The following SEMA3A variants were observed in gnomAD, a reference collection of about 807,000 sequenced individuals.
SEMA3A encodes semaphorin 3A, also known as semaphorin-3A.
Under a neutral mutation model 97.9 loss-of-function variants are expected in SEMA3A, and 29 were observed. The ratio of observed to expected loss-of-function variants is 0.30; its 90% CI spans 0.22 to 0.40. The LOEUF is 0.40. Among genes scored for constraint, SEMA3A ranks in the 10% least tolerant of loss-of-function variants. SEMA3A has a pLI of 1.00. For missense variants in SEMA3A, 763 were observed against 951.3 expected (o/e 0.80, Z 2.60); for synonymous variants, 321 against 323.7 (o/e 0.99, Z 0.09).
chr7:83,976,933 A>C, intron 15 of SEMA3A, among the ~76,000 whole-genome samples, 199 bp downstream of exon 15: 1 of 152,292 alleles, frequency 6.6e-6, no homozygotes, highest in Middle Eastern at 3.4e-3. Context: ...CATCATAATA[A>C]AACATAATTT....
At chr7:84,406,716 C>A in intron 1 of SEMA3A, among the ~76,000 whole-genome samples, 1 of 152,094 alleles carries the variant, frequency 6.6e-6, no homozygotes, top group African/African-American at 2.4e-5. Context: ...ATCAAGTGGG[C>A]TTCATCCCTG....
At chr7:84,270,188 T>A (rs2115699090) in intron 3 of SEMA3A, among the ~76,000 whole-genome samples, 1 of 152,214 alleles carries the variant, frequency 6.6e-6, no homozygotes, top group Non-Finnish European at 1.5e-5. Flanking sequence ...TTTGCTTTAT[T>A]TCTCAGCCTG....
intron 1 of SEMA3A, among the ~76,000 whole-genome samples, chr7:84,406,909 TA>T (rs1239412316): frequency 1.3e-5 from 2 of 152,128 alleles, no homozygotes; most frequent in Non-Finnish European, 2.9e-5. Flanking sequence ...CTCAAAATAA[TA>T]AGAGTTATCT....
chr7:84,319,950 C>A (rs1801606744), intron 2 of SEMA3A, among the ~76,000 whole-genome samples: 1 of 152,086 alleles, frequency 6.6e-6, no homozygotes, highest in Non-Finnish European at 1.5e-5. Flanking sequence ...AGAAGTGGTT[C>A]AGAGAATTAA....
intron 3 of SEMA3A, among the ~76,000 whole-genome samples, chr7:84,301,574 G>A (rs1187016056): frequency 6.6e-6 from 1 of 152,106 alleles, no homozygotes; most frequent in African/African-American, 2.4e-5. Context: ...ATGCCATGAA[G>A]TTTTGCTAGG....
At chr7:84,232,343 G>A (rs1799135114) in intron 3 of SEMA3A, among the ~76,000 whole-genome samples, 1 of 149,886 alleles carries the variant, frequency 6.7e-6, no homozygotes, top group African/African-American at 2.4e-5. Context: ...AAGGAAAAAT[G>A]TCCAGTTTTC....
intron 4 of SEMA3A, among the ~76,000 whole-genome samples, chr7:84,062,450 C>A (rs555613877): frequency 5.3e-5 from 8 of 152,202 alleles, no homozygotes; most frequent in Non-Finnish European, 7.3e-5. Flanking sequence ...CTCCGGTCTA[C>A]GGCTCCCAGA....
intron 3 of SEMA3A, among the ~76,000 whole-genome samples, chr7:84,298,475 A>C (rs1800921092): frequency 6.6e-6 from 1 of 152,162 alleles, no homozygotes; most frequent in African/African-American, 2.4e-5. Context: ...GGATTCACAT[A>C]AAATTTATTA....
intron 2 of SEMA3A, among the ~76,000 whole-genome samples, chr7:84,314,340 G>A (rs868245653): frequency 2.6e-5 from 4 of 151,976 alleles, no homozygotes; most frequent in South Asian, 2.1e-4. Flanking sequence ...ACAGACATCC[G>A]TGCAATAGGA....
At chr7:84,054,288 G>C (rs1792839052) in intron 5 of SEMA3A, among the ~76,000 whole-genome samples, 2 of 152,260 alleles carry the variant, frequency 1.3e-5, no homozygotes, top group East Asian at 3.8e-4. Flanking sequence ...AGTTCTCCTG[G>C]ATAATATCCT....
At chr7:84,388,680 C>T (rs1803463492) in intron 1 of SEMA3A, among the ~76,000 whole-genome samples, 1 of 151,810 alleles carries the variant, frequency 6.6e-6, no homozygotes, top group Non-Finnish European at 1.5e-5. Flanking sequence ...ATACTTAGCC[C>T]TAGGAACAGA....
At chr7:84,016,883 A>G (rs1387066044) in intron 6 of SEMA3A, among the ~76,000 whole-genome samples, 1 of 152,218 alleles carries the variant, frequency 6.6e-6, no homozygotes, top group Non-Finnish European at 1.5e-5. Flanking sequence ...AATAAAAATG[A>G]AAACAATCAT....
At chr7:84,317,414 C>T (rs551874519) in intron 2 of SEMA3A, among the ~76,000 whole-genome samples, 1 of 152,094 alleles carries the variant, frequency 6.6e-6, no homozygotes, top group African/African-American at 2.4e-5. Context: ...TTATTTCTGT[C>T]CATCACCCTA....
intron 12 of SEMA3A, among the ~76,000 whole-genome samples, chr7:83,987,651 C>T (rs1471135806): frequency 6.6e-6 from 1 of 152,160 alleles, no homozygotes; most frequent in Non-Finnish European, 1.5e-5. Context: ...GTTCTTAATA[C>T]ATATTTGCAT....
chr7:84,211,359 C>A (rs1464574714), intron 3 of SEMA3A, among the ~76,000 whole-genome samples: 1 of 151,948 alleles, frequency 6.6e-6, no homozygotes, highest in Non-Finnish European at 1.5e-5. Flanking sequence ...ACCTGTAATC[C>A]CAGCACTTTG....
At chr7:84,466,436 G>A (rs1410747359) in intron 1 of SEMA3A, among the ~76,000 whole-genome samples, 1 of 152,086 alleles carries the variant, frequency 6.6e-6, no homozygotes, top group Non-Finnish European at 1.5e-5. Flanking sequence ...GCCTCCCAAA[G>A]TGCTGGGATT....
At chr7:84,139,973 C>G (rs896784964) in intron 1 of SEMA3A, among the ~76,000 whole-genome samples, 6 of 151,780 alleles carry the variant, frequency 4.0e-5, no homozygotes, top group Non-Finnish European at 7.4e-5. Flanking sequence ...ATCATAATCT[C>G]TAATGTATAT....
intron 4 of SEMA3A, among the ~76,000 whole-genome samples, chr7:84,093,012 C>T (rs1218546734): frequency 6.6e-6 from 1 of 151,782 alleles, no homozygotes; most frequent in South Asian, 2.1e-4. Context: ...TAGATTATTC[C>T]TGACATATAT....
chr7:84,166,569 CA>C (rs34318470), intron 1 of SEMA3A, among the ~76,000 whole-genome samples: 77,462 of 133,202 alleles, frequency 0.58, 21,560 homozygotes, highest in East Asian at 0.7. Flanking sequence ...AAAACTCCGT[CA>C]AAAAAAAAAA....
Sources: gnomAD v4.1 joint callset for allele counts (sites outside exome capture counted in the v4.1 genomes callset) on GRCh38, gnomAD v4.1.1 for gene constraint, MANE v1.5 for transcripts, NCBI Gene and HGNC (gene_info 2026-07-23, HGNC 2026-07-21) for gene names.